The following TRA2B variants were observed in gnomAD, a reference collection of about 807,000 sequenced individuals.
TRA2B encodes transformer 2 beta homolog, also known as transformer-2 protein homolog beta.
TRA2B carries 14 observed loss-of-function variants against 41.7 expected under a neutral mutation model. The ratio of observed to expected loss-of-function variants is 0.34; its 90% CI spans 0.22 to 0.53. TRA2B has a LOEUF of 0.53. TRA2B is among the 20% of genes least tolerant of loss of function. The pLI, the probability that TRA2B is intolerant of heterozygous loss-of-function variation, is 0.95. For synonymous variants in TRA2B, 130 were observed against 128.8 expected (o/e 1.01, Z -0.06); for missense variants, 167 against 396.8 (o/e 0.42, Z 4.92).
chr3:185,936,895 CCCTCACTGAACA>C (rs1310978887), intron 1 of TRA2B: 1 of 985,220 alleles, frequency 1.0e-6, no homozygotes, highest in Non-Finnish European at 1.2e-6. Context: ...ATTCAATCAA[CCCTCACTGAACA>C]CCTTTAAGAG....
chr3:185,937,744 C>T, intron 1 of TRA2B, 81 bp downstream of exon 1: 1 of 1,602,622 alleles, frequency 6.2e-7, no homozygotes. Flanking sequence ...GCCCCTGCCT[C>T]CTGGCCCGAG....
intron 1 of TRA2B, among the ~76,000 whole-genome samples, chr3:185,931,070 A>C (rs531480699): frequency 6.6e-6 from 1 of 152,360 alleles, no homozygotes; most frequent in South Asian, 2.1e-4. Flanking sequence ...GGAAAAAACT[A>C]ACACACTAAT....
intron 3 of TRA2B, 88 bp from the exon 4 acceptor site, chr3:185,924,072 T>A (rs1743843277): frequency 1.7e-6 from 2 of 1,174,362 alleles, no homozygotes; most frequent in South Asian, 3.3e-5. Context: ...AGCCAAAATG[T>A]CACTAACAAG....
Position 185,930,033 on chromosome 3 carries a change from A to T in TRA2B, c.37-3299T>A, listed in dbSNP as rs566779659. Among the ~76,000 whole-genome samples the T allele has an allele frequency of 6.6e-5, 10 of 152,262 alleles. No homozygotes were observed. The South Asian group carries it at 2.1e-3, about 32-fold the overall frequency. ...TCCCTATGGCCCGAGGAGGAGACAC[A>T]TTAGGACCCACAGATGCTTTGGTCA... On this transcript the variant is annotated intron_variant, in intron 1 of 8. Transcript: ENST00000453386.
chr3:185,920,599 C>G (rs897519545), intron 6 of TRA2B, among the ~76,000 whole-genome samples: 32 of 152,098 alleles, frequency 2.1e-4, no homozygotes, highest in African/African-American at 7.5e-4. Context: ...CTGTTGCCTA[C>G]AGTGGAGTGC....
At chr3:185,927,171 G>C (rs988297669) in intron 1 of TRA2B, 1 of 152,238 alleles carries the variant, frequency 6.6e-6, no homozygotes, top group African/African-American at 2.4e-5. Context: ...TTAAAAAAAT[G>C]CTTGATTTTT....
chr3:185,928,333 A>T (rs912963696), intron 1 of TRA2B: 1 of 152,230 alleles, frequency 6.6e-6, no homozygotes, highest in Non-Finnish European at 1.5e-5. Flanking sequence ...CTTCAAAGCC[A>T]TTATAAAACA....
intron 1 of TRA2B, chr3:185,931,826 T>TC: frequency 6.6e-7 from 1 of 1,509,770 alleles, no homozygotes; most frequent in Non-Finnish European, 8.8e-7. Flanking sequence ...AATGACGACT[T>TC]CCGCATTTTC....
chr3:185,920,272 G>C (rs79505008), intron 6 of TRA2B, among the ~76,000 whole-genome samples: 1 of 152,224 alleles, frequency 6.6e-6, no homozygotes. Flanking sequence ...TGCCTGAAAA[G>C]TGTTGGCTTT....
Position 185,925,569 on chromosome 3 carries a change from G to C in TRA2B, c.228C>G (p.Arg76=). ...RHYTRSRSRS[R]SHRRSRSRSY... is the part of the protein sequence containing the mutation. ...ACCTGCTACGTGATCGTCTATGGGA[G>C]CGGGAGCGAGACCGTGACCGGGTAT... Residue 76 remains arginine (R), a synonymous_variant, in exon 3 of 9, where the codon CGC becomes CGG. Coordinates refer to ENST00000453386, the MANE Select transcript of TRA2B (RefSeq NM_004593.3). 6.2e-7 allele frequency: 1 copy of C among 1,614,178 alleles called. No homozygotes were observed. The highest frequency in any genetic ancestry group is 8.5e-7 in the Non-Finnish European group (1 of 1,180,032).
rs759310328 is a variant in TRA2B at position 185,916,571 on chromosome 3, G to C, written c.*1144C>G. 2.6e-5 allele frequency: 4 copies of C among 152,282 alleles called. No individual in the cohort carries two copies. The highest frequency in any genetic ancestry group is 4.4e-5 in the Non-Finnish European group (3 of 68,022). The allele number at this position is 152,282 out of a possible 1,614,324, so 9.4% of individuals were successfully genotyped here. On this transcript the variant is annotated 3_prime_UTR_variant, in exon 9 of 9. Transcript: ENST00000453386. ...CAAATGGAGATCACTCTAATACCTA[G>C]TTATGCACTCTGAATTTTCCAGGAA...
At chr3:185,934,962 G>A in intron 1 of TRA2B, 1 of 985,336 alleles carries the variant, frequency 1.0e-6, no homozygotes, top group Non-Finnish European at 1.2e-6. Flanking sequence ...TTAGTTTCTG[G>A]ATTCCTTTAG....
Position 185,937,971 on chromosome 3 carries a change from C to A in TRA2B, c.-111G>T. On this transcript the variant is annotated 5_prime_UTR_variant, in exon 1 of 9. Coordinates refer to ENST00000453386, the MANE Select transcript of TRA2B (RefSeq NM_004593.3). ...CCCGCACGACGCGCCGGTCGCCCAG[C>A]CGCTCAGAGCCGAAATGCTCCGCAC... is the stretch of plus-strand genomic sequence containing the variant. 1 of 1,308,982 alleles carries A rather than the reference C, an allele frequency of 7.6e-7. No homozygotes were observed. Among genetic ancestry groups the A allele is most frequent in the Non-Finnish European group, 1.1e-6 (1 of 930,388 alleles). 81.1% of individuals were successfully genotyped at this position (1,308,982 alleles called of 1,614,324 possible).
Position 185,937,970 on chromosome 3 carries a change from G to C in TRA2B, c.-110C>G, listed in dbSNP as rs1216470898. On this transcript the variant is annotated 5_prime_UTR_variant, in exon 1 of 9. Transcript: ENST00000453386. ...CCCCGCACGACGCGCCGGTCGCCCAGCCGCTCAGAGCCGAAATGCTCCGCA... is the reference window on the plus strand; with the variant it reads ...CCCCGCACGACGCGCCGGTCGCCCACCCGCTCAGAGCCGAAATGCTCCGCA... 2.3e-6 allele frequency: 3 copies of C among 1,306,868 alleles called. No individual in the cohort carries two copies. The highest frequency in any genetic ancestry group is 2.9e-5 in the African/African-American group (2 of 68,738). 81.0% of individuals were successfully genotyped at this position (1,306,868 alleles called of 1,614,324 possible). A position where few individuals can be genotyped will look rare whatever the true frequency, so the allele number is the denominator to read the frequency against.
intron 6 of TRA2B, among the ~76,000 whole-genome samples, chr3:185,919,702 A>G (rs1743641812): frequency 6.6e-6 from 1 of 152,178 alleles, no homozygotes; most frequent in African/African-American, 2.4e-5. Context: ...AACATTCCTA[A>G]GTAAATGCTC....
Position 185,917,729 on chromosome 3 carries a change from G to A in TRA2B, c.857-4C>T, listed in dbSNP as rs748991736. 5.6e-6 allele frequency: 9 copies of A among 1,612,808 alleles called. No individual in the cohort carries two copies. Among genetic ancestry groups the A allele is most frequent in the South Asian group, 1.1e-5 (1 of 90,944 alleles). On this transcript the variant is annotated splice_region_variant and splice_polypyrimidine_tract_variant and intron_variant, in intron 8 of 8. Transcript: ENST00000453386. ...GTCTTCATGCTTTAATAGCGACCTGGGAAGAAAAGAATGAACATGCTTTAA... is the reference window on the plus strand; with the variant it reads ...GTCTTCATGCTTTAATAGCGACCTGAGAAGAAAAGAATGAACATGCTTTAA...
intron 1 of TRA2B, chr3:185,931,957 A>T (rs1475448059): frequency 7.6e-4 from 49 of 64,842 alleles, no homozygotes; most frequent in East Asian, 6.8e-3. Flanking sequence ...GATTTGGATT[A>T]AAAAAAAAAA....
intron 1 of TRA2B, chr3:185,935,315 G>C (rs1039752968): frequency 8.6e-5 from 85 of 985,064 alleles, no homozygotes; most frequent in Non-Finnish European, 9.4e-5. Flanking sequence ...CCTATAGACA[G>C]ATTTTAGTGT....
At chr3:185,923,674 G>A in intron 4 of TRA2B, 122 bp downstream of exon 4, 1 of 886,590 alleles carries the variant, frequency 1.1e-6, no homozygotes, top group Non-Finnish European at 1.6e-6. Context: ...CTCCACAAGA[G>A]GTTGGAGAAA....
Sources: gnomAD v4.1 joint callset for allele counts (sites outside exome capture counted in the v4.1 genomes callset) on GRCh38, gnomAD v4.1.1 for gene constraint, MANE v1.5 for transcripts, NCBI Gene and HGNC (gene_info 2026-07-23, HGNC 2026-07-21) for gene names.